Variants in SEMA6D observed in about 807,000 individuals in gnomAD.
SEMA6D encodes semaphorin-6D.
SEMA6D carries 35 observed loss-of-function variants against 106.6 expected under a neutral mutation model. That is an observed-to-expected ratio of 0.33 (90% CI 0.25 to 0.44). SEMA6D has a LOEUF of 0.44. Among genes scored for constraint, SEMA6D ranks in the 20% least tolerant of loss-of-function variants. SEMA6D has a pLI of 1.00. For synonymous variants in SEMA6D, 499 were observed against 487.7 expected (o/e 1.02, Z -0.31); for missense variants, 1,185 against 1,345.9 (o/e 0.88, Z 1.87).
At position 47,354,199 on chromosome 15, in the gene SEMA6D, CTATATATATA is replaced by C. The variant is rs58550689; in HGVS notation, c.-238-58179_-238-58170del. Among the ~76,000 whole-genome samples, 28 of 70,356 alleles carry C rather than the reference CTATATATATA, an allele frequency of 4.0e-4. No homozygotes were observed. In the East Asian group the frequency reaches 4.0e-3, roughly 10 times the overall value. 46.2% of individuals were successfully genotyped at this position (70,356 alleles called of 152,430 possible). The stretch of plus-strand genomic sequence containing the variant: ...AGCCTCTCTCTCTCTCTCTCTCTCT[CTATATATATA>C]TATATATATATATACACACATACAT... On this transcript the variant is annotated intron_variant, in intron 1 of 19. Coordinates refer to the SEMA6D transcript ENST00000558014.
chr15:47,405,677 C>T (rs1007684943), intron 1 of SEMA6D, among the ~76,000 whole-genome samples: 3 of 152,192 alleles, frequency 2.0e-5, no homozygotes, highest in African/African-American at 7.2e-5. Flanking sequence ...CTTCTTTTGA[C>T]TTGTATAATT....
chr15:47,469,820 A>AT (rs2042776737), intron 2 of SEMA6D, among the ~76,000 whole-genome samples: 2 of 152,266 alleles, frequency 1.3e-5, no homozygotes, highest in African/African-American at 4.8e-5. Context: ...TGATATATTA[A>AT]AAGTGTTATT....
intron 4 of SEMA6D, among the ~76,000 whole-genome samples, chr15:47,624,832 C>G (rs919330961): frequency 6.6e-6 from 1 of 152,082 alleles, no homozygotes; most frequent in African/African-American, 2.4e-5. Flanking sequence ...CAGAGTAAGG[C>G]ATCTACTTTC....
chr15:47,637,456 G>A (rs1487103981), intron 4 of SEMA6D, among the ~76,000 whole-genome samples: 3 of 152,168 alleles, frequency 2.0e-5, no homozygotes, highest in Admixed American at 2.0e-4. Flanking sequence ...TTGGCTGATA[G>A]AGGATACACT....
intron 1 of SEMA6D, among the ~76,000 whole-genome samples, chr15:47,303,735 A>G (rs1357402598): frequency 6.6e-6 from 1 of 152,150 alleles, no homozygotes; most frequent in Admixed American, 6.6e-5. Flanking sequence ...GTGAAGTGTA[A>G]ACCTTCCACG....
At chr15:47,405,062 A>G (rs1352742743) in intron 1 of SEMA6D, among the ~76,000 whole-genome samples, 1 of 152,110 alleles carries the variant, frequency 6.6e-6, no homozygotes, top group African/African-American at 2.4e-5. Flanking sequence ...AAGGCACTCC[A>G]GGAGGAGCAA....
chr15:47,202,617 A>G (rs1894797086), intron 1 of SEMA6D, among the ~76,000 whole-genome samples: 1 of 152,204 alleles, frequency 6.6e-6, no homozygotes, highest in African/African-American at 2.4e-5. Flanking sequence ...CAAACGGTCA[A>G]ACCATGCACT....
At position 47,316,102 on chromosome 15, in the gene SEMA6D, C is replaced by CTTTTTTTTTTTTTTTTTTTTTTTTTTTTT. The variant is rs67090828; in HGVS notation, c.-238-96283_-238-96282insTTTTTTTTTTTTTTTTTTTTTTTTTTTTT. On this transcript the variant is annotated intron_variant, in intron 1 of 19. Coordinates refer to the SEMA6D transcript ENST00000558014. ...TCCCAATCAGTATGCCATTTATTTC[C>CTTTTTTTTTTTTTTTTTTTTTTTTTTTTT]TTTTTTTTGAGACAGAATCTTGTTC... is the stretch of plus-strand genomic sequence containing the variant. 2.0e-4 allele frequency among the ~76,000 whole-genome samples: 16 copies of CTTTTTTTTTTTTTTTTTTTTTTTTTTTTT among 81,482 alleles called. 3 individuals carry two copies. The highest frequency in any genetic ancestry group is 2.6e-4 in the African/African-American group (4 of 15,580). 53.5% of individuals were successfully genotyped at this position (81,482 alleles called of 152,430 possible).
intron 3 of SEMA6D, among the ~76,000 whole-genome samples, chr15:47,593,827 A>AG (rs913729617): frequency 1.3e-5 from 2 of 152,136 alleles, no homozygotes; most frequent in African/African-American, 4.8e-5. Flanking sequence ...AGCAAGAAAG[A>AG]GGGCGGTGCA....
At chr15:47,585,929 T>A (rs906234379) in intron 3 of SEMA6D, among the ~76,000 whole-genome samples, 1 of 151,866 alleles carries the variant, frequency 6.6e-6, no homozygotes, top group African/African-American at 2.4e-5. Flanking sequence ...CTCCAAAGAG[T>A]TGTTATGATT....
In SEMA6D at chr15:47,773,777, A is replaced by G. The variant is rs2082730695; in HGVS notation, c.*1992A>G. On this transcript the variant is annotated 3_prime_UTR_variant, in exon 19 of 19. Coordinates refer to ENST00000536845, the MANE Select transcript of SEMA6D (RefSeq NM_001358351.3). Reference sequence around the variant, plus strand: ...ATATTACAGATTAATAATAAATTAAACCAACCAATGATAAACACTACTCAG... The same window carrying G: ...ATATTACAGATTAATAATAAATTAAGCCAACCAATGATAAACACTACTCAG... The G allele has an allele frequency of 6.6e-6, 1 of 152,640 alleles. No homozygotes were observed. Among genetic ancestry groups the G allele is most frequent in the Non-Finnish European group, 1.5e-5 (1 of 68,036 alleles). 9.5% of individuals were successfully genotyped at this position (152,640 alleles called of 1,614,324 possible).
intron 3 of SEMA6D, among the ~76,000 whole-genome samples, chr15:47,535,028 G>C (rs2045107946): frequency 1.3e-5 from 2 of 149,374 alleles, no homozygotes; most frequent in Non-Finnish European, 1.5e-5. Flanking sequence ...GAGAATTTCA[G>C]GATCAGTCAA....
chr15:47,304,200 C>T (rs1226014567), intron 1 of SEMA6D, among the ~76,000 whole-genome samples: 1 of 151,968 alleles, frequency 6.6e-6, no homozygotes, highest in Admixed American at 6.6e-5. Context: ...CAGTGGCTCA[C>T]ACCTGTAATC....
At chr15:47,308,947 G>A (rs930541254) in intron 1 of SEMA6D, among the ~76,000 whole-genome samples, 3 of 152,122 alleles carry the variant, frequency 2.0e-5, no homozygotes, top group Non-Finnish European at 4.4e-5. Context: ...AGTAAACAAA[G>A]TTAAAACACA....
intron 1 of SEMA6D, among the ~76,000 whole-genome samples, chr15:47,406,567 A>G (rs1394052460): frequency 6.6e-6 from 1 of 152,184 alleles, no homozygotes; most frequent in African/African-American, 2.4e-5. Flanking sequence ...TCTAAAAATA[A>G]GTCAATCTCA....
intron 1 of SEMA6D, among the ~76,000 whole-genome samples, chr15:47,219,169 G>A (rs771828807): frequency 2.0e-5 from 3 of 151,920 alleles, no homozygotes; most frequent in Non-Finnish European, 2.9e-5. Flanking sequence ...TACCTTTTTC[G>A]TTGTCAAGAT....
At chr15:47,731,822 G>A (rs1295290569) in intron 1 of SEMA6D, among the ~76,000 whole-genome samples, 1 of 152,106 alleles carries the variant, frequency 6.6e-6, no homozygotes, top group Admixed American at 6.5e-5. Context: ...GTATATGTAT[G>A]TACATATGTC....
At chr15:47,766,988 T>C in intron 16 of SEMA6D, 49 bp from the exon 17 acceptor site, 1 of 1,175,196 alleles carries the variant, frequency 8.5e-7, no homozygotes. Context: ...AAATTTTTGC[T>C]TTCTTTTGGT....
intron 1 of SEMA6D, among the ~76,000 whole-genome samples, chr15:47,290,353 A>G (rs1281887331): frequency 6.6e-6 from 1 of 152,166 alleles, no homozygotes; most frequent in Non-Finnish European, 1.5e-5. Context: ...CTCAGAGGGC[A>G]ATTACTTCCA....
Sources: allele counts gnomAD v4.1 joint callset (sites outside exome capture counted in the v4.1 genomes callset), GRCh38; gene constraint gnomAD v4.1.1; transcripts MANE v1.5; gene names NCBI Gene and HGNC (gene_info 2026-07-23, HGNC 2026-07-21).